ERBIN: variants seen among roughly 807,000 people sequenced by gnomAD.
ERBIN encodes erbb2 interacting protein, also known as densin-180-like protein.
Under a neutral mutation model 158.4 loss-of-function variants are expected in ERBIN, and 60 were observed. That is an observed-to-expected ratio of 0.38 (90% CI 0.31 to 0.47). The LOEUF (loss-of-function observed/expected upper bound fraction) is 0.47. Among genes scored for constraint, ERBIN ranks in the 20% least tolerant of loss-of-function variants. The probability of loss-of-function intolerance (pLI) is 0.99; values close to 1 mark genes in which losing one functional copy is unlikely to be tolerated. For missense variants in ERBIN, 1,610 were observed against 1,648.0 expected, an observed-to-expected ratio of 0.98 and a Z score of 0.40; for synonymous variants, 594 against 557.2, an observed-to-expected ratio of 1.07 and a Z score of -0.93.
intron 4 of ERBIN, among the ~76,000 whole-genome samples, chr5:66,007,216 A>G (rs984702651): frequency 1.4e-4 from 21 of 152,016 alleles, no homozygotes; most frequent in African/African-American, 4.6e-4. Flanking sequence ...GCCATAAAAA[A>G]TGATGAATTC....
chr5:65,964,840 T>A (rs892740196), intron 1 of ERBIN, among the ~76,000 whole-genome samples: 1 of 150,580 alleles, frequency 6.6e-6, no homozygotes, highest in Non-Finnish European at 1.5e-5. Context: ...CCTTCCAGGT[T>A]CAAGCGATTC....
intron 21 of ERBIN, among the ~76,000 whole-genome samples, chr5:66,056,136 G>A (rs569074569): frequency 6.6e-6 from 1 of 152,302 alleles, no homozygotes; most frequent in South Asian, 2.1e-4. Flanking sequence ...GGAAGAGGCT[G>A]TAGTCAAAGA....
intron 1 of ERBIN, among the ~76,000 whole-genome samples, chr5:65,982,050 A>T (rs1361539032): frequency 6.6e-6 from 1 of 152,222 alleles, no homozygotes; most frequent in Non-Finnish European, 1.5e-5. Flanking sequence ...CCCTATTTAC[A>T]AGCTAAAAAG....
chr5:65,987,087 T>C (rs1265356390), intron 1 of ERBIN, among the ~76,000 whole-genome samples: 1 of 152,080 alleles, frequency 6.6e-6, no homozygotes, highest in African/African-American at 2.4e-5. Context: ...GGAAAGCAAA[T>C]GTTTTTCCAG....
intron 1 of ERBIN, among the ~76,000 whole-genome samples, chr5:65,957,832 C>G (rs868811951): frequency 1.6e-4 from 24 of 148,274 alleles, no homozygotes; most frequent in African/African-American, 5.3e-4. Context: ...GGGCGGCTGC[C>G]GGGCGGAGGG....
At chr5:65,991,475 TATC>T (rs1247855391) in intron 2 of ERBIN, among the ~76,000 whole-genome samples, 1 of 152,222 alleles carries the variant, frequency 6.6e-6, no homozygotes, top group African/African-American at 2.4e-5. Flanking sequence ...TAACACTAAT[TATC>T]ATTTTAATTT....
At position 66,080,178 on chromosome 5, in the gene ERBIN, CATT is replaced by C. The variant is rs1417766472; in HGVS notation, c.*1652_*1654del. 6.6e-6 allele frequency: 1 copy of C among 152,578 alleles called. No homozygotes were observed. Among genetic ancestry groups the C allele is most frequent in the African/African-American group, 2.4e-5 (1 of 41,458 alleles). The allele number at this position is 152,578 out of a possible 1,614,324, so 9.5% of individuals were successfully genotyped here. The stretch of plus-strand genomic sequence containing the variant: ...AAGACTAGCTTAAAACACCAACCAA[CATT>C]ATTTTTGCAAAAGTGAGTTGGACTC... On this transcript the variant is annotated 3_prime_UTR_variant, in exon 26 of 26. Transcript: ENST00000284037.
At chr5:65,965,449 G>A (rs571338201) in intron 1 of ERBIN, among the ~76,000 whole-genome samples, 28 of 123,292 alleles carry the variant, frequency 2.3e-4, no homozygotes, top group Middle Eastern at 6.5e-3. Flanking sequence ...TCTGTTGCCC[G>A]AGCTGGAGTA....
chr5:66,064,624 A>G (rs892184657), intron 21 of ERBIN, among the ~76,000 whole-genome samples: 1 of 152,202 alleles, frequency 6.6e-6, no homozygotes, highest in Non-Finnish European at 1.5e-5. Flanking sequence ...CATATAGAGT[A>G]TTTTAGGATA....
intron 14 of ERBIN, among the ~76,000 whole-genome samples, chr5:66,034,980 C>T (rs184773575): frequency 6.6e-6 from 1 of 152,060 alleles, no homozygotes; most frequent in African/African-American, 2.4e-5. Context: ...AGTAGTCTTG[C>T]TGAGGGTGAT....
chr5:65,972,206 G>C (rs1451209880), intron 1 of ERBIN, among the ~76,000 whole-genome samples: 1 of 152,022 alleles, frequency 6.6e-6, no homozygotes, highest in African/African-American at 2.4e-5. Flanking sequence ...TCACCCTTGG[G>C]CCATGGAGTT....
intron 1 of ERBIN, 113 bp downstream of exon 1, chr5:65,926,919 CT>C (rs1386109291): frequency 6.6e-6 from 1 of 152,084 alleles, no homozygotes; most frequent in African/African-American, 2.4e-5. Flanking sequence ...CTAAACCCTC[CT>C]TTTCTCATAT....
intron 1 of ERBIN, among the ~76,000 whole-genome samples, chr5:65,941,155 A>G (rs1314278318): frequency 4.6e-5 from 7 of 151,988 alleles, no homozygotes; most frequent in Non-Finnish European, 8.8e-5. Context: ...CCCTAATCTC[A>G]AGTACCCAGG....
At chr5:66,028,062 G>T (rs1756465522) in intron 13 of ERBIN, among the ~76,000 whole-genome samples, 1 of 152,004 alleles carries the variant, frequency 6.6e-6, no homozygotes, top group Non-Finnish European at 1.5e-5. Context: ...TTCAATTGAA[G>T]AATTATATTT....
chr5:66,048,524 G>A, intron 18 of ERBIN, 143 bp from the exon 19 acceptor site: 2 of 613,572 alleles, frequency 3.3e-6, no homozygotes, highest in African/African-American at 1.9e-5. Flanking sequence ...GGAAGGACTG[G>A]TTGTTATTTT....
chr5:65,944,503 C>G (rs6895084), intron 1 of ERBIN, among the ~76,000 whole-genome samples: 2,573 of 152,164 alleles, frequency 0.017, 73 homozygotes, highest in African/African-American at 0.059. Context: ...CTCCCATGCT[C>G]AAGCAATCCT....
rs527977319 is a variant in ERBIN at position 66,025,652 on chromosome 5, G to C, written c.890+100G>C. 4 of 1,031,534 alleles carry C rather than the reference G, an allele frequency of 3.9e-6. No homozygotes were observed. In the South Asian group the frequency reaches 4.3e-5, roughly 11 times the overall value. The allele number at this position is 1,031,534 out of a possible 1,614,324, so 63.9% of individuals were successfully genotyped here. On this transcript the variant is annotated intron_variant, in intron 11 of 25. Transcript: ENST00000284037. Reference sequence around the variant, plus strand: ...TTTGCATAAATGACCTAAAGATTTTGTAAACATTTAAGTAATTAGTATACA... The same window carrying C: ...TTTGCATAAATGACCTAAAGATTTTCTAAACATTTAAGTAATTAGTATACA...
At position 66,081,234 on chromosome 5, in the gene ERBIN, A is replaced by G. The variant is rs1314280067; in HGVS notation, c.*2704A>G. ...TATACGGCATACAATAGTTGATACAATCTAAAGATTTATGCTAATTAAGGA... is the reference window on the plus strand; with the variant it reads ...TATACGGCATACAATAGTTGATACAGTCTAAAGATTTATGCTAATTAAGGA... On this transcript the variant is annotated 3_prime_UTR_variant, in exon 26 of 26. Transcript: ENST00000284037. 3 of 152,050 alleles carry G rather than the reference A, an allele frequency of 2.0e-5. No individual in the cohort carries two copies. The highest frequency in any genetic ancestry group is 7.2e-5 in the African/African-American group (3 of 41,462). The allele number at this position is 152,050 out of a possible 1,614,324, so 9.4% of individuals were successfully genotyped here. A position where few individuals can be genotyped will look rare whatever the true frequency, so the allele number is the denominator to read the frequency against.
intron 19 of ERBIN, 70 bp downstream of exon 19, chr5:66,048,851 A>G: frequency 1.2e-6 from 1 of 860,932 alleles, no homozygotes; most frequent in Non-Finnish European, 1.8e-6. Context: ...TTTGAAATAA[A>G]TTTCATTGAA....
Sources: gnomAD v4.1 joint callset for allele counts (sites outside exome capture counted in the v4.1 genomes callset) on GRCh38, gnomAD v4.1.1 for gene constraint, MANE v1.5 for transcripts, NCBI Gene and HGNC (gene_info 2026-07-23, HGNC 2026-07-21) for gene names.